Variants in CACNA1S observed in about 807,000 individuals in gnomAD.
CACNA1S encodes the protein calcium voltage-gated channel subunit alpha1 S.
In CACNA1S, 126 loss-of-function variants were observed where a neutral mutation model predicts 207.4. The ratio of observed to expected loss-of-function variants is 0.61; its 90% confidence interval spans 0.53 to 0.70. The LOEUF (loss-of-function observed/expected upper bound fraction) is 0.70. Among genes scored for constraint, CACNA1S ranks in the 30% least tolerant of loss-of-function variants. The probability of loss-of-function intolerance (pLI) is 0.00; values close to 1 mark genes in which losing one functional copy is unlikely to be tolerated. For missense variants in CACNA1S, 2,349 were observed against 2,422.8 expected, an observed-to-expected ratio of 0.97 and a Z score of 0.64; for synonymous variants, 960 against 932.7, an observed-to-expected ratio of 1.03 and a Z score of -0.53.
chr1:201,062,971 A>G lies in CACNA1S; in HGVS notation c.2854-457T>C, dbSNP rs577385919. Among the ~76,000 whole-genome samples the G allele has an allele frequency of 2.0e-4, 30 of 152,260 alleles. 1 individual carries two copies. Among genetic ancestry groups the G allele is most frequent in the African/African-American group, 6.7e-4 (28 of 41,556 alleles). On this transcript the variant is annotated intron_variant, in intron 22 of 43. Transcript: ENST00000362061. ...GAGGGGCTGCCCACCTCCCACCTCC[A>G]TCCTCCTGCCAGTGGGGCGGGAGCA... is the stretch of plus-strand genomic sequence containing the variant.
rs977298165 is a variant in CACNA1S at position 201,112,197 on chromosome 1, A to G, written c.143T>C (p.Val48Ala). 4 of 1,613,028 alleles carry G rather than the reference A, an allele frequency of 2.5e-6. No individual in the cohort carries two copies. Among genetic ancestry groups the G allele is most frequent in the South Asian group, 2.2e-5 (2 of 91,030 alleles). The change falls in exon 1 of 44, where the codon GTA (valine) becomes GCA (alanine). Residue 48 changes from valine (V) to alanine (A), a missense_variant. Val to Ala is a moderately conservative substitution (Grantham distance 64, BLOSUM62 0). Coordinates refer to ENST00000362061, the MANE Select transcript of CACNA1S (RefSeq NM_000069.3). ...NPLRKACISI[V>A]EWKPFETIIL... The stretch of plus-strand genomic sequence containing the variant: ...GGGCCCTGAAGGATACTTCCATTCT[A>G]CAATGCTGATGCAGGCCTTCCTCAG...
chr1:201,099,167 G>A (rs1180662357), intron 2 of CACNA1S, among the ~76,000 whole-genome samples: 1 of 152,190 alleles, frequency 6.6e-6, no homozygotes, highest in African/African-American at 2.4e-5. Context: ...AGAGCTGGTT[G>A]GGTTTTCCTC....
At chr1:201,099,773 G>A (rs952087775) in intron 2 of CACNA1S, among the ~76,000 whole-genome samples, 10 of 152,160 alleles carry the variant, frequency 6.6e-5, no homozygotes, top group African/African-American at 1.9e-4. Flanking sequence ...CTTTCCTCCC[G>A]GATTCCCTCA....
rs1469317229 is a variant in CACNA1S, at chr1:201,053,562, G to C, written c.3692C>G (p.Ser1231Cys). Residue 1231 changes from serine to cysteine, a missense_variant, in exon 30 of 44, where the codon TCC (serine) becomes TGC (cysteine). Physicochemically the swap from Ser to Cys is moderately radical, Grantham distance 112. Coordinates refer to ENST00000362061, the MANE Select transcript of CACNA1S (RefSeq NM_000069.3). The surrounding 1 kb of genome is among the most constrained non-coding windows in gnomAD (Gnocchi z 5.1). Reference sequence around the variant, plus strand: ...ACGGAACAGGCGGAAGAAGGCGCTGGAGATGCGGGCACTCTCATCTGGGTC... The same window carrying C: ...ACGGAACAGGCGGAAGAAGGCGCTGCAGATGCGGGCACTCTCATCTGGGTC... ...NVDPDESARI[S>C]SAFFRLFRVM... is the part of the protein sequence containing the mutation. 1 of 1,613,702 alleles carries C rather than the reference G, an allele frequency of 6.2e-7. No homozygotes were observed. The highest frequency in any genetic ancestry group is 8.5e-7 in the Non-Finnish European group (1 of 1,179,934).
In CACNA1S at chr1:201,110,276, C is replaced by A; in HGVS notation, c.153-7G>T. Reference sequence around the variant, plus strand: ...GATGATCGTCTCGAAGGGCCTGGAGCCAGGGTTAAGGAGAGCCCTCGAGTG... The same window carrying A: ...GATGATCGTCTCGAAGGGCCTGGAGACAGGGTTAAGGAGAGCCCTCGAGTG... On this transcript the variant is annotated splice_polypyrimidine_tract_variant and splice_region_variant and intron_variant, in intron 1 of 43. Coordinates refer to ENST00000362061, the MANE Select transcript of CACNA1S (RefSeq NM_000069.3). 1 of 1,613,836 alleles carries A rather than the reference C, an allele frequency of 6.2e-7. No homozygotes were observed. Among genetic ancestry groups the A allele is most frequent in the Non-Finnish European group, 8.5e-7 (1 of 1,179,720 alleles).
Position 201,076,959 on chromosome 1 carries a change from G to C in CACNA1S, c.1788C>G (p.Asn596Lys). The change falls in exon 12 of 44, where the codon AAC becomes AAG. Residue 596 changes from asparagine to lysine, a missense_variant. Coordinates refer to ENST00000362061, the MANE Select transcript of CACNA1S (RefSeq NM_000069.3). ...TGAGGGCTTGGGGAAAGTTGTCAAAGTTGCTGCGCCGTACTTCTGTGTCTT... is the reference window on the plus strand; with the variant it reads ...TGAGGGCTTGGGGAAAGTTGTCAAACTTGCTGCGCCGTACTTCTGTGTCTT... ...DFEDTEVRRS[N>K]FDNFPQALIS... 6.2e-7 allele frequency: 1 copy of C among 1,614,230 alleles called. No individual in the cohort carries two copies. Among genetic ancestry groups the C allele is most frequent in the Non-Finnish European group, 8.5e-7 (1 of 1,180,046 alleles).
chr1:201,050,746 C>T (rs1346675570), intron 33 of CACNA1S, among the ~76,000 whole-genome samples: 1 of 151,228 alleles, frequency 6.6e-6, no homozygotes, highest in Non-Finnish European at 1.5e-5. Context: ...TGAGTGCTAA[C>T]CAAAACAAAA....
Position 201,047,243 on chromosome 1 carries a change from C to T in CACNA1S, c.4544-4G>A, listed in dbSNP as rs1660501630. ...TTCCCCACTGTCACCTCATCATCTG[C>T]AGAGGAGCCAACAAGAGATGCCCTG... On this transcript the variant is annotated splice_polypyrimidine_tract_variant and splice_region_variant and intron_variant, in intron 37 of 43. Transcript: ENST00000362061. 1 of 1,614,054 alleles carries T rather than the reference C, an allele frequency of 6.2e-7. No homozygotes were observed. Among genetic ancestry groups the T allele is most frequent in the Admixed American group, 1.7e-5 (1 of 59,994 alleles).
chr1:201,080,752 G>A (rs1223950354), intron 10 of CACNA1S, among the ~76,000 whole-genome samples: 1 of 151,460 alleles, frequency 6.6e-6, no homozygotes, highest in African/African-American at 2.4e-5. Context: ...GTTGTTGTTT[G>A]TTTGTTTGTT....
intron 2 of CACNA1S, among the ~76,000 whole-genome samples, chr1:201,099,874 C>T (rs1206152049): frequency 6.6e-6 from 1 of 152,160 alleles, no homozygotes; most frequent in Non-Finnish European, 1.5e-5. Context: ...TTTTTCAAAG[C>T]CTGAGAATCA....
At position 201,091,672 on chromosome 1, in the gene CACNA1S, T is replaced by C. The variant is rs1467909530; in HGVS notation, c.662A>G (p.Lys221Arg). 3.1e-6 allele frequency: 5 copies of C among 1,614,102 alleles called. No individual in the cohort carries two copies. The highest frequency in any genetic ancestry group is 1.7e-6 in the Non-Finnish European group (2 of 1,180,044). The change falls in exon 5 of 44, where the codon AAG becomes AGG. Residue 221 changes from lysine (K) to arginine (R), a missense_variant. Transcript: ENST00000362061. ...AATGAAGTAGCAGGTCTTGTGCATC[T>C]TGCCCTTGAAGAGCTCCAGCCCGAT... The part of the protein sequence containing the change: ...AIIGLELFKG[K>R]MHKTCYFIGT...
chr1:201,052,124 T>C (rs1660675484), intron 32 of CACNA1S, among the ~76,000 whole-genome samples: 1 of 152,222 alleles, frequency 6.6e-6, no homozygotes, highest in African/African-American at 2.4e-5. Flanking sequence ...CTAGCTCCTG[T>C]GCCCTGGCCA....
chr1:201,074,232 G>A (rs554535975), intron 14 of CACNA1S, among the ~76,000 whole-genome samples: 36 of 152,340 alleles, frequency 2.4e-4, no homozygotes, highest in African/African-American at 7.9e-4. Context: ...GGATCCCTCC[G>A]CAGGGGAGCC....
Position 201,053,675 on chromosome 1 carries a change from T to C in CACNA1S, c.3667-88A>G, listed in dbSNP as rs1660737762. The C allele has an allele frequency of 1.1e-5, 15 of 1,402,254 alleles. 1 individual carries two copies. The South Asian group carries it at 1.9e-4, about 17-fold the overall frequency. The allele number at this position is 1,402,254 out of a possible 1,614,324, so 86.9% of individuals were successfully genotyped here. ...GCGGGGAGGGAGGTGCACTGTGTGT[T>C]TTGGGGAGATGTTTGTGGCATGGAG... On this transcript the variant is annotated intron_variant, in intron 29 of 43. Coordinates refer to ENST00000362061, the MANE Select transcript of CACNA1S (RefSeq NM_000069.3). This position sits in a 1 kb window ranked among gnomAD's most constrained non-coding sequence, Gnocchi z 5.1.
At chr1:201,081,451 G>A (rs917826277) in intron 10 of CACNA1S, among the ~76,000 whole-genome samples, 6 of 152,112 alleles carry the variant, frequency 3.9e-5, no homozygotes, top group African/African-American at 9.7e-5. Context: ...CTCGTCTCAC[G>A]GTCCAGAGCT....
intron 2 of CACNA1S, among the ~76,000 whole-genome samples, chr1:201,099,725 G>T (rs1662568280): frequency 6.6e-6 from 1 of 152,168 alleles, no homozygotes; most frequent in South Asian, 2.1e-4. Context: ...CTTGGCAGGT[G>T]CTACTATTAG....
At chr1:201,109,057 G>A (rs529512450) in intron 2 of CACNA1S, among the ~76,000 whole-genome samples, 4 of 152,272 alleles carry the variant, frequency 2.6e-5, no homozygotes, top group African/African-American at 9.6e-5. Flanking sequence ...AGGCCAGCCT[G>A]GCCAACATGG....
At position 201,052,559 on chromosome 1, in the gene CACNA1S, G is replaced by A; in HGVS notation, c.3951C>T (p.Phe1317=). The A allele has an allele frequency of 6.2e-7, 1 of 1,612,578 alleles. No homozygotes were observed. Among genetic ancestry groups the A allele is most frequent in the Non-Finnish European group, 8.5e-7 (1 of 1,178,622 alleles). ...TGGGGGTGGCGGGAGACGCGTGCCT[G>A]AAGAGCAGTAGCACAGCTTGTGGGA... ...QTFPQAVLLL[F]RCATGEAWQE... is the part of the protein sequence containing the mutation. Residue 1317 remains phenylalanine, a splice_region_variant and synonymous_variant, in exon 32 of 44, where the codon TTC becomes TTT. Transcript: ENST00000362061.
rs1466222943 is a variant in CACNA1S at position 201,096,138 on chromosome 1, G to A, written c.259-2117C>T. On this transcript the variant is annotated intron_variant, in intron 2 of 43. Coordinates refer to ENST00000362061, the MANE Select transcript of CACNA1S (RefSeq NM_000069.3). ...ACCTGCCACTGCCTGTCTGGCTGCG[G>A]CCTGGCTCAGAGAGAGCTTGTCAGG... Among the ~76,000 whole-genome samples the A allele has an allele frequency of 7.2e-5, 11 of 152,320 alleles. No individual in the cohort carries two copies. In the East Asian group the frequency reaches 2.1e-3, roughly 29 times the overall value.
Sources: allele counts gnomAD v4.1 joint callset (sites outside exome capture counted in the v4.1 genomes callset), GRCh38; gene constraint gnomAD v4.1.1; non-coding constraint Gnocchi (gnomAD v3.1); transcripts MANE v1.5; gene names NCBI Gene and HGNC (gene_info 2026-07-23, HGNC 2026-07-21).